Variants in EPB41 observed in about 807,000 individuals in gnomAD.
EPB41 encodes the protein protein 4.1.
A neutral mutation model predicts 108.0 loss-of-function variants in EPB41; 65 were observed. The ratio of observed to expected loss-of-function variants is 0.60; its 90% CI spans 0.49 to 0.74. The LOEUF is 0.74. Ranked by LOEUF, EPB41 falls within the 30% of genes least tolerant of loss-of-function variation. EPB41 has a pLI of 0.00. For synonymous variants in EPB41, 336 were observed against 358.9 expected, an observed-to-expected ratio of 0.94 and a Z score of 0.72; for missense variants, 875 against 1,037.0, an observed-to-expected ratio of 0.84 and a Z score of 2.15.
At chr1:29,004,423 A>G (rs1412988575) in intron 4 of EPB41, among the ~76,000 whole-genome samples, 1 of 152,238 alleles carries the variant, frequency 6.6e-6, no homozygotes, top group East Asian at 1.9e-4. Flanking sequence ...TCTTTTGCTC[A>G]CCTTCACAGG....
Position 28,987,725 on chromosome 1 carries a change from G to A in EPB41, c.288G>A (p.Glu96=), listed in dbSNP as rs1282503176. The change falls in exon 2 of 21, where the codon GAG becomes GAA. Residue 96 remains glutamate, a synonymous_variant. Coordinates refer to ENST00000343067, the MANE Select transcript of EPB41 (RefSeq NM_001376013.1). ...FLKRPKSQVS[E]EEGKEVESDK... ...AAAGGCCCAAATCTCAGGTGTCCGA[G>A]GAAGAAGGCAAAGAAGTAGAGTCAG... is the stretch of plus-strand genomic sequence containing the variant. The A allele has an allele frequency of 3.1e-6, 5 of 1,614,050 alleles. No homozygotes were observed. The highest frequency in any genetic ancestry group is 2.7e-5 in the African/African-American group (2 of 74,920).
intron 1 of EPB41, among the ~76,000 whole-genome samples, chr1:28,941,966 G>A (rs2094307300): frequency 6.7e-6 from 1 of 149,418 alleles, no homozygotes; most frequent in Non-Finnish European, 1.5e-5. Flanking sequence ...TTGTAGAGTT[G>A]TAGAAAATTT....
chr1:29,104,731 G>A (rs1372100557), intron 17 of EPB41, among the ~76,000 whole-genome samples: 3 of 151,868 alleles, frequency 2.0e-5, no homozygotes, highest in Admixed American at 1.3e-4. Context: ...TTACAGGTGC[G>A]GGCCACCATG....
At chr1:29,088,995 C>G (rs1053214357) in intron 16 of EPB41, among the ~76,000 whole-genome samples, 9 of 152,098 alleles carry the variant, frequency 5.9e-5, no homozygotes, top group African/African-American at 2.2e-4. Flanking sequence ...TGCTTTGGTC[C>G]TACTTGAAAT....
chr1:28,955,779 C>T (rs1571333244), intron 1 of EPB41, among the ~76,000 whole-genome samples: 1 of 152,034 alleles, frequency 6.6e-6, no homozygotes, highest in African/African-American at 2.4e-5. Context: ...GGAGACTGGA[C>T]AGTGAAGGGA....
chr1:29,011,792 T>G, intron 4 of EPB41, 73 bp from the exon 5 acceptor site: 37 of 1,514,082 alleles, frequency 2.4e-5, no homozygotes, highest in Non-Finnish European at 3.1e-5. Context: ...AGATAGTCAG[T>G]GATCTTGCTT....
At chr1:28,987,288 G>T in intron 1 of EPB41, 143 bp from the exon 2 acceptor site, 2 of 693,410 alleles carry the variant, frequency 2.9e-6, no homozygotes, top group Non-Finnish European at 2.5e-6. Flanking sequence ...TAATTTAATG[G>T]AAAGTCTCAT....
At chr1:28,945,109 G>C (rs2094448192) in intron 1 of EPB41, among the ~76,000 whole-genome samples, 1 of 147,800 alleles carries the variant, frequency 6.8e-6, no homozygotes, top group African/African-American at 2.5e-5. Context: ...AAAAAAAAAA[G>C]AACCAGAATA....
intron 1 of EPB41, among the ~76,000 whole-genome samples, chr1:28,953,984 G>C (rs2094845898): frequency 6.6e-6 from 1 of 152,158 alleles, no homozygotes; most frequent in Admixed American, 6.5e-5. Context: ...AGAACTATTA[G>C]GCTGAAGTTC....
Position 29,117,068 on chromosome 1 carries a change from GT to G in EPB41, c.*260del. The G allele has an allele frequency of 6.6e-6, 1 of 152,258 alleles. No individual in the cohort carries two copies. Among genetic ancestry groups the G allele is most frequent in the East Asian group, 1.9e-4 (1 of 5,180 alleles). The allele number at this position is 152,258 out of a possible 1,614,324, so 9.4% of individuals were successfully genotyped here. On this transcript the variant is annotated 3_prime_UTR_variant, in exon 21 of 21. Transcript: ENST00000343067. The stretch of plus-strand genomic sequence containing the variant: ...TTTCACTCTATAGACTGTTTTAAGA[GT>G]TTTGGGGTTTTTTTAATTGGGTGGT...
At chr1:29,033,654 G>T (rs112253345) in intron 9 of EPB41, among the ~76,000 whole-genome samples, 1 of 151,962 alleles carries the variant, frequency 6.6e-6, no homozygotes, top group African/African-American at 2.4e-5. Context: ...ATAGCTTCTC[G>T]TGGTTACTGA....
chr1:29,101,499 G>A (rs1012447094), intron 17 of EPB41, among the ~76,000 whole-genome samples: 4 of 151,776 alleles, frequency 2.6e-5, no homozygotes, highest in African/African-American at 9.7e-5. Context: ...TTTTGAGTTT[G>A]GTACATAATG....
intron 3 of EPB41, among the ~76,000 whole-genome samples, chr1:28,995,987 A>G (rs913262098): frequency 5.3e-5 from 8 of 152,240 alleles, no homozygotes; most frequent in African/African-American, 1.7e-4. Context: ...GACATGTCAT[A>G]TATGTTTGCC....
chr1:29,111,946 C>T (rs1051961533), intron 18 of EPB41, among the ~76,000 whole-genome samples: 25 of 150,314 alleles, frequency 1.7e-4, no homozygotes, highest in Admixed American at 4.0e-4. Flanking sequence ...CACTACACTC[C>T]AGCCTGGACA....
intron 7 of EPB41, among the ~76,000 whole-genome samples, chr1:29,029,690 G>T (rs2096764767): frequency 2.0e-5 from 3 of 152,204 alleles, no homozygotes. Context: ...GACTGTCACA[G>T]CGAGTGTTTA....
chr1:29,025,281 C>G (rs989890381), intron 7 of EPB41, among the ~76,000 whole-genome samples: 8 of 152,090 alleles, frequency 5.3e-5, no homozygotes, highest in South Asian at 2.1e-4. Context: ...AAAAGGGAGT[C>G]ACATAACACT....
chr1:28,916,358 G>A (rs1329478683), intron 1 of EPB41, among the ~76,000 whole-genome samples: 1 of 152,092 alleles, frequency 6.6e-6, no homozygotes, highest in Non-Finnish European at 1.5e-5. Context: ...GAACTATGTC[G>A]GGCACGGTGG....
At chr1:28,956,806 T>A (rs1473102671) in intron 1 of EPB41, among the ~76,000 whole-genome samples, 4 of 152,212 alleles carry the variant, frequency 2.6e-5, no homozygotes, top group Admixed American at 2.0e-4. Context: ...AACCTTACCT[T>A]CAAAGAGCTT....
In EPB41 at chr1:28,895,524, C is replaced by G. The variant is rs186324470; in HGVS notation, c.-8+8314C>G. 3.8e-4 allele frequency among the ~76,000 whole-genome samples: 58 copies of G among 152,140 alleles called. 1 individual carries two copies. The East Asian group carries it at 0.011, about 29-fold the overall frequency. ...ATTTTTTTTTGGATGGAGTCTCACT[C>G]TGTCACCCAGGCTGGAGTGCAGTGG... is the stretch of plus-strand genomic sequence containing the variant. On this transcript the variant is annotated intron_variant, in intron 1 of 16. Coordinates refer to the EPB41 transcript ENST00000347529.
Sources: gnomAD v4.1 joint callset for allele counts (sites outside exome capture counted in the v4.1 genomes callset) on GRCh38, gnomAD v4.1.1 for gene constraint, MANE v1.5 for transcripts, NCBI Gene and HGNC (gene_info 2026-07-23, HGNC 2026-07-21) for gene names.